Variants in CHN1 observed in about 807,000 individuals in gnomAD.
The protein encoded by CHN1 is N-chimaerin.
CHN1 carries 37 observed loss-of-function variants against 59.5 expected under a neutral mutation model. The observed-to-expected ratio is 0.62, with a 90% CI of 0.48 to 0.82. The LOEUF is 0.82. Among genes scored for constraint, CHN1 ranks in the 40% least tolerant of loss-of-function variants. The pLI, the probability that CHN1 is intolerant of heterozygous loss-of-function variation, is 0.00. For synonymous variants in CHN1, 206 were observed against 200.4 expected (o/e 1.03, Z -0.24); for missense variants, 469 against 571.0 (o/e 0.82, Z 1.82).
intron 1 of CHN1, among the ~76,000 whole-genome samples, chr2:174,983,404 A>G (rs1053049779): frequency 6.6e-5 from 10 of 152,138 alleles, no homozygotes; most frequent in Non-Finnish European, 1.5e-4. Flanking sequence ...AATTATCTTA[A>G]AAAGTGCTTG....
At chr2:174,879,750 C>T (rs1687678793) in intron 5 of CHN1, among the ~76,000 whole-genome samples, 1 of 152,102 alleles carries the variant, frequency 6.6e-6, no homozygotes, top group Admixed American at 6.6e-5. Context: ...TCGGTTGTAT[C>T]AGACACATTT....
At chr2:174,946,127 GCCTTCATTTT>G (rs1291242463) in intron 2 of CHN1, among the ~76,000 whole-genome samples, 2 of 151,988 alleles carry the variant, frequency 1.3e-5, no homozygotes, top group Admixed American at 1.3e-4. Flanking sequence ...TGCATTCTAT[GCCTTCATTTT>G]CCTTATTTGC....
At chr2:174,876,023 A>T (rs1687553658) in intron 6 of CHN1, among the ~76,000 whole-genome samples, 1 of 152,224 alleles carries the variant, frequency 6.6e-6, no homozygotes, top group Non-Finnish European at 1.5e-5. Flanking sequence ...CACTCTCAGT[A>T]GCTATCGCTG....
At chr2:174,854,619 T>C (rs1299784195) in intron 6 of CHN1, among the ~76,000 whole-genome samples, 1 of 152,198 alleles carries the variant, frequency 6.6e-6, no homozygotes, top group Non-Finnish European at 1.5e-5. Context: ...AAGTAACTGA[T>C]TTATTTCTGT....
intron 3 of CHN1, chr2:174,920,956 A>C (rs1411201414): frequency 1.4e-5 from 6 of 429,114 alleles, no homozygotes; most frequent in South Asian, 1.0e-4. Flanking sequence ...CAAGCATTGG[A>C]TTCTCATAAG....
At chr2:174,839,956 C>CA (rs1047749452) in intron 7 of CHN1, among the ~76,000 whole-genome samples, 54 of 148,360 alleles carry the variant, frequency 3.6e-4, no homozygotes, top group East Asian at 1.8e-3. Flanking sequence ...TTATCACACA[C>CA]AAAAAAAAAT....
rs144826409 is a variant in CHN1, at chr2:174,853,875, T to C, written c.550-6918A>G. Among the ~76,000 whole-genome samples, 675 of 152,212 alleles carry C rather than the reference T, an allele frequency of 4.4e-3. 6 individuals are homozygous for C. The highest frequency in any genetic ancestry group is 0.015 in the African/African-American group (635 of 41,534). ...CAAATAATGCATGTTCTCACTTACATGCAGAAGTTAAATGCTGAGCATGCA... is the reference window on the plus strand; with the variant it reads ...CAAATAATGCATGTTCTCACTTACACGCAGAAGTTAAATGCTGAGCATGCA... On this transcript the variant is annotated intron_variant, in intron 6 of 12. Coordinates refer to ENST00000409900, the MANE Select transcript of CHN1 (RefSeq NM_001822.7).
chr2:174,968,422 AT>A (rs1213088557), intron 1 of CHN1, among the ~76,000 whole-genome samples: 2 of 152,258 alleles, frequency 1.3e-5, no homozygotes, highest in Non-Finnish European at 2.9e-5. Context: ...CATGGAAGTA[AT>A]ACTGTGGCAA....
intron 9 of CHN1, 115 bp downstream of exon 9, chr2:174,812,194 T>G: frequency 1.3e-6 from 1 of 749,314 alleles, no homozygotes; most frequent in Non-Finnish European, 2.0e-6. Context: ...TATGAAACCA[T>G]TCCCCTCCAA....
intron 8 of CHN1, among the ~76,000 whole-genome samples, chr2:174,820,935 G>C (rs746234929): frequency 1.3e-5 from 2 of 152,012 alleles, no homozygotes; most frequent in Admixed American, 6.6e-5. Flanking sequence ...CTTTTGCCTC[G>C]GTGGATTTTG....
chr2:174,906,235 G>C (rs576198936), intron 5 of CHN1, among the ~76,000 whole-genome samples: 9 of 152,020 alleles, frequency 5.9e-5, no homozygotes, highest in Non-Finnish European at 1.3e-4. Flanking sequence ...CAACTCAAAT[G>C]TCCATCAACT....
At chr2:174,988,395 T>C (rs1234700545) in intron 1 of CHN1, among the ~76,000 whole-genome samples, 1 of 133,714 alleles carries the variant, frequency 7.5e-6, no homozygotes, top group Admixed American at 7.5e-5. Flanking sequence ...TGGGGAAAAA[T>C]AGGTGAACAT....
intron 1 of CHN1, among the ~76,000 whole-genome samples, chr2:174,958,589 ACTTAGTGCTAGGTGGCGCTTT>A (rs1690293415): frequency 6.6e-6 from 1 of 152,206 alleles, no homozygotes; most frequent in Admixed American, 6.5e-5. Flanking sequence ...AGAACTGTGT[ACTTAGTGCTAGGTGGCGCTTT>A]CTTAGGGAAC....
At chr2:174,929,584 A>G (rs1689272471) in intron 3 of CHN1, among the ~76,000 whole-genome samples, 2 of 152,136 alleles carry the variant, frequency 1.3e-5, no homozygotes, top group African/African-American at 2.4e-5. Flanking sequence ...TTTCAAAAAA[A>G]AAAAGGAAAA....
intron 1 of CHN1, among the ~76,000 whole-genome samples, chr2:174,986,764 T>C (rs1466838943): frequency 6.6e-6 from 1 of 152,238 alleles, no homozygotes; most frequent in East Asian, 1.9e-4. Flanking sequence ...TGAGACGGAG[T>C]CTCACTCTGT....
chr2:174,818,092 A>G (rs894736174), intron 8 of CHN1, among the ~76,000 whole-genome samples: 4 of 152,154 alleles, frequency 2.6e-5, no homozygotes, highest in African/African-American at 9.7e-5. Context: ...CATTTTAAAC[A>G]TCAGCAGGTT....
At chr2:174,921,460 G>C (rs1689013988) in intron 3 of CHN1, among the ~76,000 whole-genome samples, 1 of 152,004 alleles carries the variant, frequency 6.6e-6, no homozygotes, top group African/African-American at 2.4e-5. Context: ...CATCTGCCTA[G>C]TTCTCTCATA....
chr2:174,840,790 G>C (rs1421295429), intron 7 of CHN1, among the ~76,000 whole-genome samples: 1 of 152,072 alleles, frequency 6.6e-6, no homozygotes, highest in Non-Finnish European at 1.5e-5. Flanking sequence ...TACATATATT[G>C]AAAGAGCCAA....
chr2:174,826,752 A>T (rs1685693813), intron 7 of CHN1, among the ~76,000 whole-genome samples: 1 of 152,196 alleles, frequency 6.6e-6, no homozygotes, highest in Non-Finnish European at 1.5e-5. Flanking sequence ...AAAGCCTGGG[A>T]TATTTCTTTA....
Sources: gnomAD v4.1 joint callset for allele counts (sites outside exome capture counted in the v4.1 genomes callset) on GRCh38, gnomAD v4.1.1 for gene constraint, MANE v1.5 for transcripts, NCBI Gene and HGNC (gene_info 2026-07-23, HGNC 2026-07-21) for gene names.